ZNF541: variants seen among roughly 807,000 people sequenced by gnomAD.
ZNF541 encodes the protein zinc finger protein 541.
A neutral mutation model predicts 123.5 loss-of-function variants in ZNF541; 23 were observed. The observed-to-expected ratio is 0.19, with a 90% CI of 0.13 to 0.26. ZNF541 has a LOEUF of 0.26. ZNF541 is among the 10% of genes least tolerant of loss of function. ZNF541 has a pLI of 1.00. For synonymous variants in ZNF541, 751 were observed against 754.5 expected (o/e 1.00, Z 0.08); for missense variants, 1,612 against 1,789.9 (o/e 0.90, Z 1.79).
At chr19:47,529,530 A>T (rs1254788256) in intron 13 of ZNF541, 47 bp downstream of exon 13, 1 of 1,538,544 alleles carries the variant, frequency 6.5e-7, no homozygotes, top group Admixed American at 2.0e-5. Context: ...GCCGATTCAT[A>T]GGGGTCTCAG....
At chr19:47,558,378 T>C (rs982898270) in intron 2 of ZNF541, among the ~76,000 whole-genome samples, 2 of 151,606 alleles carry the variant, frequency 1.3e-5, no homozygotes, top group African/African-American at 2.4e-5. Flanking sequence ...ATCGTGCCAC[T>C]GCACTCCAGC....
At chr19:47,542,955 T>A (rs1297642525) in intron 5 of ZNF541, among the ~76,000 whole-genome samples, 2 of 151,556 alleles carry the variant, frequency 1.3e-5, no homozygotes, top group South Asian at 2.1e-4. Flanking sequence ...AATAAATAAA[T>A]AAAATAAATT....
intron 10 of ZNF541, 112 bp downstream of exon 10, chr19:47,532,797 G>T (rs1369121516): frequency 2.2e-6 from 2 of 912,216 alleles, no homozygotes; most frequent in African/African-American, 1.7e-5. Flanking sequence ...CGCCTAGGGA[G>T]CCTATGTGAG....
intron 2 of ZNF541, among the ~76,000 whole-genome samples, chr19:47,561,359 G>A (rs1971055270): frequency 6.6e-6 from 1 of 151,964 alleles, no homozygotes; most frequent in South Asian, 2.1e-4. Flanking sequence ...AATCGCTTGA[G>A]CCCAAGAATT....
Position 47,545,932 on chromosome 19 carries a change from GA to G in ZNF541, c.596del (p.Ile199ThrfsTer28). Reference sequence around the variant, plus strand: ...AGTAGCTCTTGCTGCAGCCCTGCTCGATGCACACGAAGGGCTTTGTCTTCTG... The same window carrying G: ...AGTAGCTCTTGCTGCAGCCCTGCTCGTGCACACGAAGGGCTTTGTCTTCTG... ...THQKTKPFVC[I>X]EQGCSKSYCD... On this transcript the variant is annotated frameshift_variant, in exon 5 of 17. Transcript: ENST00000391901. LOFTEE classifies it high-confidence loss of function. This position sits in a 1 kb window ranked among gnomAD's most constrained non-coding sequence, Gnocchi z 7.5. The G allele has an allele frequency of 1.3e-6, 2 of 1,520,194 alleles. No homozygotes were observed. The highest frequency in any genetic ancestry group is 1.8e-6 in the Non-Finnish European group (2 of 1,129,136). The allele number at this position is 1,520,194 out of a possible 1,614,324, so 94.2% of individuals were successfully genotyped here.
intron 2 of ZNF541, among the ~76,000 whole-genome samples, chr19:47,563,915 T>C (rs1275228336): frequency 6.6e-6 from 1 of 152,192 alleles, no homozygotes; most frequent in Non-Finnish European, 1.5e-5. Context: ...CTAAAAATCG[T>C]ATTTATTAAG....
In ZNF541 at chr19:47,568,734, G is replaced by A. The variant is rs181303181; in HGVS notation, c.-99+3162C>T. Reference sequence around the variant, plus strand: ...GTCACTCAGGCTGGAGTGCAATGGCGTGGCCTTGGCTCATTGCAACCTCCG... The same window carrying A: ...GTCACTCAGGCTGGAGTGCAATGGCATGGCCTTGGCTCATTGCAACCTCCG... On this transcript the variant is annotated intron_variant, in intron 2 of 16. Transcript: ENST00000391901. Among the ~76,000 whole-genome samples the A allele has an allele frequency of 3.3e-3, 499 of 152,232 alleles. 2 individuals carry two copies. The highest frequency in any genetic ancestry group is 0.011 in the African/African-American group (463 of 41,534).
chr19:47,552,768 A>G (rs1345805853), intron 3 of ZNF541, among the ~76,000 whole-genome samples: 3 of 149,124 alleles, frequency 2.0e-5, no homozygotes, highest in Admixed American at 6.7e-5. Context: ...AAAAAAAAAA[A>G]AAAGCCTATT....
intron 9 of ZNF541, among the ~76,000 whole-genome samples, chr19:47,535,784 A>G (rs911616285): frequency 1.3e-5 from 2 of 151,238 alleles, no homozygotes; most frequent in African/African-American, 4.9e-5. Context: ...GTGAAATGGC[A>G]TGGTCTCGGC....
At position 47,540,179 on chromosome 19, in the gene ZNF541, C is replaced by A. The variant is rs757738762; in HGVS notation, c.2619G>T (p.Pro873=). The A allele has an allele frequency of 1.3e-6, 2 of 1,549,994 alleles. No individual in the cohort carries two copies. Among genetic ancestry groups the A allele is most frequent in the Non-Finnish European group, 1.7e-6 (2 of 1,146,636 alleles). The change falls in exon 7 of 17, where the codon CCG becomes CCT. Residue 873 remains proline, a synonymous_variant. Coordinates refer to ENST00000391901, the MANE Select transcript of ZNF541 (RefSeq NM_001277075.3). ...QWPSPRGKQE[P]QVFGTEFCKP... The stretch of plus-strand genomic sequence containing the variant: ...GCCACTGGTCGTCCCCCTTCACCTG[C>A]GGTTCCTGCTTCCCTCGAGGTGACG...
At chr19:47,536,156 T>C (rs1969810187) in intron 9 of ZNF541, among the ~76,000 whole-genome samples, 1 of 152,260 alleles carries the variant, frequency 6.6e-6, no homozygotes, top group Admixed American at 6.5e-5. Context: ...AGCAGTTTTC[T>C]GCCCTGGGTC....
At chr19:47,546,284 G>T (rs1446775531) in intron 4 of ZNF541, among the ~76,000 whole-genome samples, 2 of 151,558 alleles carry the variant, frequency 1.3e-5, no homozygotes, top group Non-Finnish European at 2.9e-5. Context: ...GAGGTGAGTG[G>T]ATCACTTGAG....
chr19:47,549,534 C>A, intron 3 of ZNF541, 49 bp from the exon 4 acceptor site: 1 of 1,545,766 alleles, frequency 6.5e-7, no homozygotes. Flanking sequence ...GGCAACCAAG[C>A]GAAAAGCACG....
intron 2 of ZNF541, among the ~76,000 whole-genome samples, chr19:47,558,108 TAAG>T (rs1970897955): frequency 1.3e-5 from 2 of 151,468 alleles, no homozygotes; most frequent in South Asian, 4.2e-4. Flanking sequence ...TTAGAAAAAA[TAAG>T]AAGGATTATA....
At chr19:47,535,783 C>T (rs1216564902) in intron 9 of ZNF541, among the ~76,000 whole-genome samples, 1 of 150,914 alleles carries the variant, frequency 6.6e-6, no homozygotes, top group Non-Finnish European at 1.5e-5. Context: ...AGTGAAATGG[C>T]ATGGTCTCGG....
Position 47,544,226 on chromosome 19 carries a change from C to T in ZNF541, c.2303G>A (p.Cys768Tyr). 6.4e-7 allele frequency: 1 copy of T among 1,551,632 alleles called. No homozygotes were observed. The highest frequency in any genetic ancestry group is 8.7e-7 in the Non-Finnish European group (1 of 1,147,000). ...RKEKAKMDMC[C>Y]AASPSQVAMA... Reference sequence around the variant, plus strand: ...GGCTACCTGGCTCGGAGAAGCCGCACAGCACATATCCATCTTCGCCTTCTC... The same window carrying T: ...GGCTACCTGGCTCGGAGAAGCCGCATAGCACATATCCATCTTCGCCTTCTC... Residue 768 changes from cysteine to tyrosine, a missense_variant, in exon 5 of 17, where the codon TGT (cysteine) becomes TAT (tyrosine). Cys to Tyr is a radical substitution (Grantham distance 194). This residue lies in a region of ZNF541 where 1,080 missense variants were observed against 1,013.8 expected (regional missense o/e 1.07). Transcript: ENST00000391901.
At chr19:47,552,685 G>A (rs975650738) in intron 3 of ZNF541, among the ~76,000 whole-genome samples, 6 of 125,232 alleles carry the variant, frequency 4.8e-5, no homozygotes, top group African/African-American at 1.7e-4. Flanking sequence ...GGAGCTTGCA[G>A]TGAGCCGAGA....
intron 9 of ZNF541, 78 bp from the exon 10 acceptor site, chr19:47,533,050 C>A: frequency 7.2e-7 from 1 of 1,388,656 alleles, no homozygotes; most frequent in South Asian, 1.3e-5. Context: ...CCTGTGTGGA[C>A]GCAGCTGAAA....
chr19:47,539,615 T>G (rs1327341938), intron 8 of ZNF541, 90 bp downstream of exon 8: 2 of 1,323,964 alleles, frequency 1.5e-6, no homozygotes, highest in Non-Finnish European at 1.9e-6. Flanking sequence ...AGTCAAAGAT[T>G]TTCTGTGGTA....
Sources: gnomAD v4.1 joint callset for allele counts (sites outside exome capture counted in the v4.1 genomes callset) on GRCh38, gnomAD v4.1.1 for gene constraint, gnomAD v4.1.1 regional missense constraint, Gnocchi (gnomAD v3.1) non-coding constraint, MANE v1.5 for transcripts, NCBI Gene and HGNC (gene_info 2026-07-23, HGNC 2026-07-21) for gene names.